NPHP4: variants seen among roughly 807,000 people sequenced by gnomAD.
NPHP4 encodes nephrocystin 4.
Under a neutral mutation model 155.8 loss-of-function variants are expected in NPHP4, and 151 were observed. That is an observed-to-expected ratio of 0.97 (90% CI 0.85 to 1.11). The LOEUF is 1.11. Ranked by LOEUF, NPHP4 falls within the 50% of genes least tolerant of loss-of-function variation. The pLI is 0.00. For missense variants in NPHP4, 1,956 were observed against 1,925.7 expected (o/e 1.02, Z -0.29); for synonymous variants, 845 against 816.8 (o/e 1.03, Z -0.59).
chr1:5,932,611 T>C (rs1646332317), intron 10 of NPHP4, among the ~76,000 whole-genome samples: 1 of 151,992 alleles, frequency 6.6e-6, no homozygotes, highest in African/African-American at 2.4e-5. Flanking sequence ...TTCGCTCTAC[T>C]TGTTTTTGCC....
At chr1:5,967,705 C>T (rs557929196) in intron 4 of NPHP4, among the ~76,000 whole-genome samples, 196 of 152,274 alleles carry the variant, frequency 1.3e-3, no homozygotes, top group African/African-American at 4.5e-3. Context: ...GGTTCTCAAC[C>T]AGCGATGATT....
chr1:5,886,959 C>A (rs1231353529), intron 18 of NPHP4: 2 of 282,770 alleles, frequency 7.1e-6, no homozygotes, highest in Admixed American at 4.8e-5. Flanking sequence ...TCATGAGGCA[C>A]AGGGAAGTCT....
At chr1:5,940,098 A>G (rs555817029) in intron 9 of NPHP4, among the ~76,000 whole-genome samples, 1 of 152,324 alleles carries the variant, frequency 6.6e-6, no homozygotes, top group African/African-American at 2.4e-5. Flanking sequence ...TTGGGGTGCT[A>G]TAATTTTAAC....
intron 3 of NPHP4, among the ~76,000 whole-genome samples, chr1:5,970,008 CTTCCCA>C (rs1485024652): frequency 6.6e-6 from 1 of 152,102 alleles, no homozygotes; most frequent in South Asian, 2.1e-4. Context: ...CCACTCACAC[CTTCCCA>C]TTCCCAACAT....
At chr1:5,881,875 A>C (rs544715420) in intron 18 of NPHP4, 1 of 152,374 alleles carries the variant, frequency 6.6e-6, no homozygotes, top group African/African-American at 2.4e-5. Flanking sequence ...AAGCTCTTTC[A>C]AAACTGAAGC....
intron 5 of NPHP4, among the ~76,000 whole-genome samples, chr1:5,966,795 C>T (rs534582250): frequency 6.6e-6 from 1 of 152,328 alleles, no homozygotes; most frequent in South Asian, 2.1e-4. Flanking sequence ...TCCAGGCAGG[C>T]AGCAGCAGAG....
At chr1:5,986,373 A>G in intron 1 of NPHP4, 46 bp from the exon 2 acceptor site, 1 of 1,473,376 alleles carries the variant, frequency 6.8e-7, no homozygotes, top group South Asian at 1.2e-5. Context: ...TGAGGGCTAC[A>G]GTGGTCACAG....
chr1:5,921,377 G>C (rs1040492725), intron 11 of NPHP4, among the ~76,000 whole-genome samples: 1 of 152,218 alleles, frequency 6.6e-6, no homozygotes, highest in African/African-American at 2.4e-5. Context: ...GCACTTCTGA[G>C]TTGTAGGATA....
rs142994352 is a variant in NPHP4 at position 5,905,310 on chromosome 1, T to C, written c.1937A>G (p.Gln646Arg). 1.9e-6 allele frequency: 3 copies of C among 1,613,602 alleles called. No homozygotes were observed. The highest frequency in any genetic ancestry group is 1.3e-5 in the African/African-American group (1 of 75,056). Residue 646 changes from glutamine (Q) to arginine (R), a missense_variant, in exon 15 of 30, where the codon CAG becomes CGG. Coordinates refer to ENST00000378156, the MANE Select transcript of NPHP4 (RefSeq NM_015102.5). The surrounding 1 kb of genome is among the most constrained non-coding windows in gnomAD (Gnocchi z 4.0). ...GATTTACCTGCTAAAGGCAAGAAAC[T>C]GTAGCACCATCTCGTTGCTTTGTAG... ...DCLQSNEMVL[Q>R]FLAFSRVAQD...
At position 5,889,960 on chromosome 1, in the gene NPHP4, C is replaced by T. The variant is rs1444099575; in HGVS notation, c.2304+908G>A. On this transcript the variant is annotated intron_variant, in intron 17 of 29. Transcript: ENST00000378156. The surrounding 1 kb of genome is among the most constrained non-coding windows in gnomAD (Gnocchi z 4.2). ...CTGGATCAGTCGGTCACACGGGGAGCCAAGAGCAGACCATGCCTCAGAGGA... is the reference window on the plus strand; with the variant it reads ...CTGGATCAGTCGGTCACACGGGGAGTCAAGAGCAGACCATGCCTCAGAGGA... 1.3e-5 allele frequency among the ~76,000 whole-genome samples: 2 copies of T among 152,214 alleles called. No individual in the cohort carries two copies. The highest frequency in any genetic ancestry group is 2.4e-5 in the African/African-American group (1 of 41,448).
chr1:5,964,939 A>ATTTTTTTTTTT lies in NPHP4; in HGVS notation c.517+2359_517+2360insAAAAAAAAAAA, dbSNP rs1232148646. Among the ~76,000 whole-genome samples the ATTTTTTTTTTT allele has an allele frequency of 9.6e-3, 599 of 62,590 alleles. 8 individuals are homozygous for ATTTTTTTTTTT. The highest frequency in any genetic ancestry group is 0.016 in the South Asian group (34 of 2,086). The allele number at this position is 62,590 out of a possible 152,430, so 41.1% of individuals were successfully genotyped here. A position where few individuals can be genotyped will look rare whatever the true frequency, so the allele number is the denominator to read the frequency against. On this transcript the variant is annotated intron_variant, in intron 5 of 29. Coordinates refer to ENST00000378156, the MANE Select transcript of NPHP4 (RefSeq NM_015102.5). ...ATATTATATATATATATATATATAT[A>ATTTTTTTTTTT]TATTTTTTTTTTTTGAGGCAGGGTC...
intron 5 of NPHP4, among the ~76,000 whole-genome samples, chr1:5,963,310 G>T (rs1328114998): frequency 6.6e-6 from 1 of 151,910 alleles, no homozygotes; most frequent in Admixed American, 6.5e-5. Flanking sequence ...CAGGAGAATC[G>T]CTTGAACCCG....
At chr1:5,966,563 A>G (rs1193544721) in intron 5 of NPHP4, among the ~76,000 whole-genome samples, 2 of 152,026 alleles carry the variant, frequency 1.3e-5, no homozygotes, top group Non-Finnish European at 2.9e-5. Flanking sequence ...GACTTTTAAC[A>G]CAAGCCACGA....
rs575805586 is a variant in NPHP4 at position 5,868,495 on chromosome 1, C to T, written c.3316-599G>A. 176 of 235,830 alleles carry T rather than the reference C, an allele frequency of 7.5e-4. 2 individuals carry two copies. Among genetic ancestry groups the T allele is most frequent in the African/African-American group, 3.9e-3 (171 of 44,126 alleles). 14.6% of individuals were successfully genotyped at this position (235,830 alleles called of 1,614,324 possible). A position where few individuals can be genotyped will look rare whatever the true frequency, so the allele number is the denominator to read the frequency against. On this transcript the variant is annotated intron_variant, in intron 23 of 29. Coordinates refer to ENST00000378156, the MANE Select transcript of NPHP4 (RefSeq NM_015102.5). ...GGCTATATTTGTTTCAAGATACACACAACCACAGAGACATGCATACTCACA... is the reference window on the plus strand; with the variant it reads ...GGCTATATTTGTTTCAAGATACACATAACCACAGAGACATGCATACTCACA...
At chr1:5,868,438 G>A (rs1006018214) in intron 23 of NPHP4, 2 of 247,440 alleles carry the variant, frequency 8.1e-6, no homozygotes, top group Admixed American at 5.2e-5. Flanking sequence ...CATATTGTCT[G>A]AAGAGGTATT....
At chr1:5,926,248 T>C (rs899150147) in intron 11 of NPHP4, among the ~76,000 whole-genome samples, 2 of 152,134 alleles carry the variant, frequency 1.3e-5, no homozygotes, top group African/African-American at 4.8e-5. Flanking sequence ...ATCACCTCTA[T>C]GAAAAGAAGG....
intron 3 of NPHP4, among the ~76,000 whole-genome samples, chr1:5,975,406 T>G (rs1237377748): frequency 4.6e-5 from 7 of 152,174 alleles, no homozygotes; most frequent in Non-Finnish European, 2.9e-5. Context: ...GCTCCATGAA[T>G]AGCACGGGGG....
At chr1:5,967,497 C>A in intron 4 of NPHP4, 134 bp from the exon 5 acceptor site, 1 of 704,828 alleles carries the variant, frequency 1.4e-6, no homozygotes, top group Non-Finnish European at 2.5e-6. Flanking sequence ...CTGCGGAAGG[C>A]AGAGGCAGCT....
intron 6 of NPHP4, among the ~76,000 whole-genome samples, chr1:5,955,299 C>T (rs1047254761): frequency 2.6e-5 from 4 of 152,202 alleles, no homozygotes; most frequent in Non-Finnish European, 4.4e-5. Flanking sequence ...CAAATTACAA[C>T]AGCCACTATG....
Sources: allele counts gnomAD v4.1 joint callset (sites outside exome capture counted in the v4.1 genomes callset), GRCh38; gene constraint gnomAD v4.1.1; non-coding constraint Gnocchi (gnomAD v3.1); transcripts MANE v1.5; gene names NCBI Gene and HGNC (gene_info 2026-07-23, HGNC 2026-07-21).